Variants in ANKS1B observed in about 807,000 individuals in gnomAD.
ANKS1B encodes ankyrin repeat and sterile alpha motif domain containing 1B.
In ANKS1B, 36 loss-of-function variants were observed where a neutral mutation model predicts 148.3. The observed-to-expected ratio is 0.24, with a 90% CI of 0.19 to 0.32. ANKS1B has a LOEUF of 0.32. Ranked by LOEUF, ANKS1B falls within the 10% of genes least tolerant of loss-of-function variation. The pLI, the probability that ANKS1B is intolerant of heterozygous loss-of-function variation, is 1.00. For synonymous variants in ANKS1B, 542 were observed against 560.8 expected (o/e 0.97, Z 0.47); for missense variants, 1,157 against 1,542.6 (o/e 0.75, Z 4.19).
chr12:98,893,917 C>T (rs569045968), intron 17 of ANKS1B, among the ~76,000 whole-genome samples: 88 of 152,208 alleles, frequency 5.8e-4, no homozygotes, highest in Non-Finnish European at 1.1e-3. Context: ...TCCTGATAAA[C>T]ACAGGACCTT....
intron 1 of ANKS1B, among the ~76,000 whole-genome samples, chr12:99,954,803 C>T (rs1363640226): frequency 6.6e-6 from 1 of 151,944 alleles, no homozygotes; most frequent in Admixed American, 6.6e-5. Context: ...CCACCCCGTC[C>T]CCAACAAAAA....
At chr12:99,707,038 T>G (rs1192037550) in intron 8 of ANKS1B, among the ~76,000 whole-genome samples, 1 of 152,050 alleles carries the variant, frequency 6.6e-6, no homozygotes, top group Non-Finnish European at 1.5e-5. Flanking sequence ...CACGAAACTG[T>G]GAGATAATAA....
chr12:99,230,502 C>T lies in ANKS1B; in HGVS notation c.2419+13840G>A, dbSNP rs572124416. Among the ~76,000 whole-genome samples, 5 of 152,146 alleles carry T rather than the reference C, an allele frequency of 3.3e-5. 1 individual carries two copies. The highest frequency in any genetic ancestry group is 1.2e-4 in the African/African-American group (5 of 41,514). On this transcript the variant is annotated intron_variant, in intron 14 of 26. Coordinates refer to ENST00000683438, the MANE Select transcript of ANKS1B (RefSeq NM_001352186.2). ...TTTTAAACCATTGATACGTCATAAG[C>T]AAATATTAGACCACAGAATAATACT... is the stretch of plus-strand genomic sequence containing the variant.
At chr12:99,125,433 C>A (rs2064050340) in intron 15 of ANKS1B, among the ~76,000 whole-genome samples, 1 of 152,150 alleles carries the variant, frequency 6.6e-6, no homozygotes, top group African/African-American at 2.4e-5. Flanking sequence ...GTACCCAGGG[C>A]TCTTTTCTGG....
intron 17 of ANKS1B, among the ~76,000 whole-genome samples, chr12:98,845,607 ATTAT>A (rs2099453196): frequency 6.6e-6 from 1 of 152,194 alleles, no homozygotes; most frequent in South Asian, 2.1e-4. Flanking sequence ...CTCATTCACC[ATTAT>A]TTCCAAATCC....
chr12:99,839,455 A>G (rs2085352955), intron 1 of ANKS1B, among the ~76,000 whole-genome samples: 1 of 152,134 alleles, frequency 6.6e-6, no homozygotes, highest in Non-Finnish European at 1.5e-5. Flanking sequence ...ACCTCACTGT[A>G]TTGTGAGAAG....
intron 12 of ANKS1B, among the ~76,000 whole-genome samples, chr12:99,365,329 C>A (rs1001817174): frequency 6.6e-6 from 1 of 152,122 alleles, no homozygotes; most frequent in Non-Finnish European, 1.5e-5. Context: ...ATTGAGTCAC[C>A]CAAGTACATA....
intron 1 of ANKS1B, among the ~76,000 whole-genome samples, chr12:99,974,740 A>G (rs1487639327): frequency 2.0e-5 from 3 of 151,980 alleles, no homozygotes; most frequent in Admixed American, 6.5e-5. Flanking sequence ...AGACCCCAAC[A>G]GACAGGGTTT....
chr12:99,319,904 C>A lies in ANKS1B; in HGVS notation c.1757-73040G>T, dbSNP rs1174634607. On this transcript the variant is annotated intron_variant, in intron 12 of 26. Transcript: ENST00000683438. ...CAGGCCTAGTGGTGACAAAGTCTCTCAGCATTTGTTTGTCTGTAAAGGATT... is the reference window on the plus strand; with the variant it reads ...CAGGCCTAGTGGTGACAAAGTCTCTAAGCATTTGTTTGTCTGTAAAGGATT... Among the ~76,000 whole-genome samples, 3 of 152,172 alleles carry A rather than the reference C, an allele frequency of 2.0e-5. No individual in the cohort carries two copies. In the South Asian group the frequency reaches 6.2e-4, roughly 31 times the overall value.
At chr12:99,298,445 C>T (rs1326828889) in intron 12 of ANKS1B, among the ~76,000 whole-genome samples, 1 of 152,162 alleles carries the variant, frequency 6.6e-6, no homozygotes. Flanking sequence ...TCTTGCTTCC[C>T]CTTTGCCTTC....
chr12:99,021,725 G>T (rs2099945927), intron 17 of ANKS1B, among the ~76,000 whole-genome samples: 1 of 152,176 alleles, frequency 6.6e-6, no homozygotes, highest in South Asian at 2.1e-4. Context: ...CAAAATAGCT[G>T]TAGCTTGGAT....
At chr12:99,632,710 G>A (rs2098174215) in intron 9 of ANKS1B, among the ~76,000 whole-genome samples, 1 of 92,688 alleles carries the variant, frequency 1.1e-5, no homozygotes, top group Admixed American at 1.3e-4. Context: ...CTTTTGGCCT[G>A]TGTCTTCCTT....
At chr12:98,890,087 T>C (rs10492269) in intron 17 of ANKS1B, among the ~76,000 whole-genome samples, 14,506 of 152,192 alleles carry the variant, frequency 0.095, 1,186 homozygotes, top group East Asian at 0.36. Flanking sequence ...TACTAGGAAA[T>C]GTTATCTTCC....
At chr12:98,819,786 C>G (rs1054440228) in intron 19 of ANKS1B, among the ~76,000 whole-genome samples, 1 of 152,168 alleles carries the variant, frequency 6.6e-6, no homozygotes, top group Non-Finnish European at 1.5e-5. Flanking sequence ...CTGCATTCTT[C>G]TGACTGCACA....
At chr12:99,699,766 T>G (rs1836346611) in intron 8 of ANKS1B, among the ~76,000 whole-genome samples, 1 of 152,344 alleles carries the variant, frequency 6.6e-6, no homozygotes, top group East Asian at 1.9e-4. Flanking sequence ...GATAAAGTTA[T>G]TCCATTTTAA....
At chr12:98,950,618 C>T (rs954746354) in intron 17 of ANKS1B, among the ~76,000 whole-genome samples, 120 of 151,114 alleles carry the variant, frequency 7.9e-4, no homozygotes, top group African/African-American at 2.8e-3. Context: ...AATTACAAAT[C>T]CAGATTTTTT....
At position 99,961,999 on chromosome 12, in the gene ANKS1B, C is replaced by T. The variant is rs575681045; in HGVS notation, c.134+22105G>A. On this transcript the variant is annotated intron_variant, in intron 1 of 26. Coordinates refer to ENST00000683438, the MANE Select transcript of ANKS1B (RefSeq NM_001352186.2). ...AAGATGTTAAGAAAAGAGTAGAAAT[C>T]ACGATCTCTTTAGATCCCTAGATGT... Among the ~76,000 whole-genome samples, 109 of 152,268 alleles carry T rather than the reference C, an allele frequency of 7.2e-4. 1 individual carries two copies. Among genetic ancestry groups the T allele is most frequent in the African/African-American group, 2.6e-3 (109 of 41,566 alleles).
intron 15 of ANKS1B, among the ~76,000 whole-genome samples, chr12:99,133,206 C>T (rs562950828): frequency 3.9e-5 from 6 of 152,056 alleles, no homozygotes; most frequent in Admixed American, 1.3e-4. Context: ...AACATGCCAC[C>T]ACGCCCAGCT....
chr12:99,824,176 G>A (rs1274800020), intron 2 of ANKS1B, among the ~76,000 whole-genome samples: 1 of 152,120 alleles, frequency 6.6e-6, no homozygotes, highest in East Asian at 1.9e-4. Context: ...TCTGTAGATT[G>A]TAACTAGCAC....
Sources: allele counts gnomAD v4.1 joint callset (sites outside exome capture counted in the v4.1 genomes callset), GRCh38; gene constraint gnomAD v4.1.1; transcripts MANE v1.5; gene names NCBI Gene and HGNC (gene_info 2026-07-23, HGNC 2026-07-21).